Variants in FNDC1 observed in about 807,000 individuals in gnomAD.
The protein encoded by FNDC1 is fibronectin type III domain containing 1, also known as fibronectin type III domain-containing protein 1.
In FNDC1, 96 loss-of-function variants were observed where a neutral mutation model predicts 168.0. The observed-to-expected ratio is 0.57, with a 90% confidence interval of 0.48 to 0.68. The LOEUF is 0.68. FNDC1 is among the 30% of genes least tolerant of loss of function. The pLI is 0.00. For missense variants in FNDC1, 2,587 were observed against 2,482.1 expected, an observed-to-expected ratio of 1.04 and a Z score of -0.90; for synonymous variants, 1,099 against 1,025.9, an observed-to-expected ratio of 1.07 and a Z score of -1.36.
chr6:159,232,799 A>G lies in FNDC1; in HGVS notation c.2287A>G (p.Met763Val). The change falls in exon 11 of 23, where the codon ATG becomes GTG. Residue 763 changes from methionine to valine, a missense_variant. Physicochemically the swap from Met to Val is conservative, Grantham distance 21 (BLOSUM62 1). Coordinates refer to ENST00000297267, the MANE Select transcript of FNDC1 (RefSeq NM_032532.3). This position sits in a 1 kb window ranked among gnomAD's most constrained non-coding sequence, Gnocchi z 4.9. ...CTCCAATGCGCCATCACGGTCCACCATGTCCTCCTCCGTCTCTTCTCATCT... is the reference window on the plus strand; with the variant it reads ...CTCCAATGCGCCATCACGGTCCACCGTGTCCTCCTCCGTCTCTTCTCATCT... ...TNSNAPSRSTMSSSVSSHLSS... is the reference protein window; with the variant it reads ...TNSNAPSRSTVSSSVSSHLSS... 1 of 1,613,944 alleles carries G rather than the reference A, an allele frequency of 6.2e-7. No individual in the cohort carries two copies. Among genetic ancestry groups the G allele is most frequent in the South Asian group, 1.1e-5 (1 of 91,078 alleles).
rs746509566 is a variant in FNDC1, at chr6:159,233,939, G to A, written c.3427G>A (p.Gly1143Ser). ...ASPARPSRPG[G>S]PQSRARVPSR... ...CCCCGCCAGGCCCAGCCGACCCGGCGGCCCCCAGTCCCGCGCCCGGGTACC... is the reference window on the plus strand; with the variant it reads ...CCCCGCCAGGCCCAGCCGACCCGGCAGCCCCCAGTCCCGCGCCCGGGTACC... Residue 1143 changes from glycine (G) to serine (S), a missense_variant, in exon 11 of 23, where the codon GGC (glycine) becomes AGC (serine). Physicochemically the swap from Gly to Ser is moderately conservative, Grantham distance 56 (BLOSUM62 0). Transcript: ENST00000297267. The surrounding 1 kb of genome is among the most constrained non-coding windows in gnomAD (Gnocchi z 4.6). The A allele has an allele frequency of 2.6e-6, 4 of 1,560,262 alleles. No individual in the cohort carries two copies. Among genetic ancestry groups the A allele is most frequent in the Admixed American group, 1.9e-5 (1 of 52,082 alleles).
At chr6:159,196,116 A>G (rs1782236355) in intron 1 of FNDC1, among the ~76,000 whole-genome samples, 1 of 152,224 alleles carries the variant, frequency 6.6e-6, no homozygotes, top group African/African-American at 2.4e-5. Flanking sequence ...GTGTCTTCAT[A>G]GTCTTCCCAA....
chr6:159,171,790 T>G (rs1781667621), intron 1 of FNDC1, among the ~76,000 whole-genome samples: 1 of 152,260 alleles, frequency 6.6e-6, no homozygotes. Context: ...TACTCACACA[T>G]GCACATATTT....
intron 14 of FNDC1, among the ~76,000 whole-genome samples, chr6:159,245,696 C>T (rs1376952942): frequency 2.0e-5 from 3 of 152,066 alleles, no homozygotes; most frequent in African/African-American, 4.8e-5. Flanking sequence ...TCTTAAATCA[C>T]TCATATGTTA....
At position 159,226,591 on chromosome 6, in the gene FNDC1, C is replaced by T. The variant is rs372999702; in HGVS notation, c.1180+11C>T. ...AGGGGAAAGTGAAAGGTAGGAATCT[C>T]ACTCCCTAAACTGTAAGATGCATTG... is the stretch of plus-strand genomic sequence containing the variant. On this transcript the variant is annotated intron_variant, in intron 9 of 22. Transcript: ENST00000297267. The T allele has an allele frequency of 7.0e-6, 11 of 1,580,346 alleles. No individual in the cohort carries two copies. The African/African-American group carries it at 1.1e-4, about 15-fold the overall frequency.
chr6:159,184,685 C>A (rs745715377), intron 1 of FNDC1, among the ~76,000 whole-genome samples: 6 of 152,116 alleles, frequency 3.9e-5, no homozygotes, highest in Non-Finnish European at 8.8e-5. Flanking sequence ...AAGTGTTTAA[C>A]ATAGTTAGAC....
chr6:159,235,946 C>G (rs1480535119), intron 11 of FNDC1, among the ~76,000 whole-genome samples: 1 of 152,158 alleles, frequency 6.6e-6, no homozygotes, highest in Non-Finnish European at 1.5e-5. Context: ...TTTTCTATGG[C>G]AAATTTACTT....
At position 159,197,425 on chromosome 6, in the gene FNDC1, A is replaced by T; in HGVS notation, c.110-6A>T. On this transcript the variant is annotated splice_region_variant and splice_polypyrimidine_tract_variant and intron_variant, in intron 1 of 22. Coordinates refer to ENST00000297267, the MANE Select transcript of FNDC1 (RefSeq NM_032532.3). ...CCATGAGTTGATAGTTGCGCTGTTTACATAGTTGACCACCCACTGAAGCCA... is the reference window on the plus strand; with the variant it reads ...CCATGAGTTGATAGTTGCGCTGTTTTCATAGTTGACCACCCACTGAAGCCA... 6.2e-7 allele frequency: 1 copy of T among 1,607,756 alleles called. No individual in the cohort carries two copies.
rs1326826422 is a variant in FNDC1 at position 159,233,158 on chromosome 6, G to A, written c.2646G>A (p.Glu882=). The A allele has an allele frequency of 6.2e-7, 1 of 1,607,338 alleles. No individual in the cohort carries two copies. The highest frequency in any genetic ancestry group is 8.5e-7 in the Non-Finnish European group (1 of 1,177,228). The change falls in exon 11 of 23, where the codon GAG becomes GAA. Residue 882 remains glutamate, a synonymous_variant. Coordinates refer to ENST00000297267, the MANE Select transcript of FNDC1 (RefSeq NM_032532.3). The surrounding 1 kb of genome is among the most constrained non-coding windows in gnomAD (Gnocchi z 4.6). ...SSGIHGDEED[E]KPLPATVVND... is the part of the protein sequence containing the mutation. ...GTATCCATGGAGACGAGGAGGATGA[G>A]AAGCCGCTTCCTGCCACCGTTGTCA...
chr6:159,263,733 G>A (rs1425237528), intron 19 of FNDC1, among the ~76,000 whole-genome samples: 2 of 152,156 alleles, frequency 1.3e-5, no homozygotes, highest in Non-Finnish European at 2.9e-5. Flanking sequence ...CTGCACTCCA[G>A]CCTGGGTGAC....
At chr6:159,255,273 C>T (rs1777350060) in intron 17 of FNDC1, among the ~76,000 whole-genome samples, 2 of 152,182 alleles carry the variant, frequency 1.3e-5, no homozygotes, top group Non-Finnish European at 2.9e-5. Flanking sequence ...CTCCCGGGTC[C>T]TCCCTCTTCA....
chr6:159,189,736 C>T lies in FNDC1; in HGVS notation c.110-7695C>T, dbSNP rs374342442. Among the ~76,000 whole-genome samples, 19 of 152,250 alleles carry T rather than the reference C, an allele frequency of 1.2e-4. No individual in the cohort carries two copies. In the East Asian group the frequency reaches 1.3e-3, roughly 11 times the overall value. ...AAGCTATTTGGACTTTAATTTCTTTCGGTTTTGAGCTATAAGACAAAGACA... is the reference window on the plus strand; with the variant it reads ...AAGCTATTTGGACTTTAATTTCTTTTGGTTTTGAGCTATAAGACAAAGACA... On this transcript the variant is annotated intron_variant, in intron 1 of 22. Transcript: ENST00000297267.
At chr6:159,172,765 T>C (rs1781686857) in intron 1 of FNDC1, among the ~76,000 whole-genome samples, 1 of 152,240 alleles carries the variant, frequency 6.6e-6, no homozygotes, top group Non-Finnish European at 1.5e-5. Context: ...ACTTGATGAA[T>C]TTTGGTGTAA....
intron 6 of FNDC1, 46 bp from the exon 7 acceptor site, chr6:159,223,482 C>A (rs762399250): frequency 5.5e-6 from 7 of 1,273,970 alleles, no homozygotes; most frequent in Non-Finnish European, 7.9e-6. Flanking sequence ...CAGGGCAGAA[C>A]CTGTTGTGAG....
chr6:159,228,715 T>G (rs410879), intron 9 of FNDC1, among the ~76,000 whole-genome samples: 1 of 151,854 alleles, frequency 6.6e-6, no homozygotes, highest in African/African-American at 2.4e-5. Flanking sequence ...CTCACTTCAT[T>G]GCCCAGGCTG....
chr6:159,209,507 C>A (rs1465918217), intron 4 of FNDC1, among the ~76,000 whole-genome samples: 2 of 152,196 alleles, frequency 1.3e-5, no homozygotes, highest in African/African-American at 4.8e-5. Flanking sequence ...CAGCAAAATC[C>A]CTTTCTTGAC....
intron 17 of FNDC1, among the ~76,000 whole-genome samples, chr6:159,254,879 T>C (rs1777341304): frequency 6.6e-6 from 1 of 152,142 alleles, no homozygotes; most frequent in South Asian, 2.1e-4. Flanking sequence ...CTCACTTCTA[T>C]ATTCAACTCA....
intron 14 of FNDC1, chr6:159,243,114 GAT>G (rs1783463173): frequency 6.6e-6 from 1 of 151,696 alleles, no homozygotes; most frequent in Non-Finnish European, 1.5e-5. Flanking sequence ...TGTACCTTTG[GAT>G]ATCCAAGCAA....
intron 1 of FNDC1, among the ~76,000 whole-genome samples, chr6:159,181,088 A>G (rs1054282637): frequency 1.3e-5 from 2 of 152,196 alleles, no homozygotes; most frequent in Admixed American, 6.5e-5. Flanking sequence ...ACTAATTTAC[A>G]TTCCCATCAA....
Sources: gnomAD v4.1 joint callset for allele counts (sites outside exome capture counted in the v4.1 genomes callset) on GRCh38, gnomAD v4.1.1 for gene constraint, Gnocchi (gnomAD v3.1) non-coding constraint, MANE v1.5 for transcripts, NCBI Gene and HGNC (gene_info 2026-07-23, HGNC 2026-07-21) for gene names.